Variants in RSBN1 observed in about 807,000 individuals in gnomAD.
The protein encoded by RSBN1 is round spermatid basic protein 1, also known as lysine-specific demethylase 9.
A neutral mutation model predicts 74.8 loss-of-function variants in RSBN1; 23 were observed. That is an observed-to-expected ratio of 0.31 (90% CI 0.22 to 0.44). RSBN1 has a LOEUF of 0.44. RSBN1 is among the 20% of genes least tolerant of loss of function. RSBN1 has a pLI of 1.00. For missense variants in RSBN1, 808 were observed against 1,020.9 expected, an observed-to-expected ratio of 0.79 and a Z score of 2.84; for synonymous variants, 407 against 379.6, an observed-to-expected ratio of 1.07 and a Z score of -0.84.
intron 2 of RSBN1, among the ~76,000 whole-genome samples, chr1:113,778,744 T>C (rs1660082133): frequency 6.6e-6 from 1 of 152,234 alleles, no homozygotes; most frequent in African/African-American, 2.4e-5. Flanking sequence ...AAGCTCTTTT[T>C]TTCCAGAAGT....
chr1:113,812,023 T>G lies in RSBN1; in HGVS notation c.390A>C (p.Ala130=), dbSNP rs780299490. ...QHPGPLPPTN[A]APTVPGPVEP... is the part of the protein sequence containing the mutation. ...CAACAGGGCCTGGGACAGTTGGGGC[T>G]GCATTCGTTGGCGGCAGCGGCCCAG... The change falls in exon 1 of 7, where the codon GCA becomes GCC. Residue 130 remains alanine, a synonymous_variant. Transcript: ENST00000261441. 4.6e-6 allele frequency: 7 copies of G among 1,534,062 alleles called. No individual in the cohort carries two copies. The highest frequency in any genetic ancestry group is 1.8e-4 in the Middle Eastern group (1 of 5,696).
At chr1:113,805,479 A>G (rs1459161587) in intron 1 of RSBN1, among the ~76,000 whole-genome samples, 2 of 152,242 alleles carry the variant, frequency 1.3e-5, no homozygotes, top group African/African-American at 4.8e-5. Context: ...TATTCCCTAT[A>G]AGAAATAAAA....
At chr1:113,769,291 C>T (rs543971178) in intron 4 of RSBN1, among the ~76,000 whole-genome samples, 1 of 152,030 alleles carries the variant, frequency 6.6e-6, no homozygotes, top group South Asian at 2.1e-4. Flanking sequence ...TTGCAGTCTG[C>T]TGTTTTGGTG....
chr1:113,792,765 C>A (rs1660391487), intron 2 of RSBN1, among the ~76,000 whole-genome samples: 1 of 151,890 alleles, frequency 6.6e-6, no homozygotes, highest in Admixed American at 6.6e-5. Flanking sequence ...CATGATCACA[C>A]TTCAGCCTGG....
At chr1:113,801,585 T>C (rs1223099685) in intron 1 of RSBN1, among the ~76,000 whole-genome samples, 1 of 152,246 alleles carries the variant, frequency 6.6e-6, no homozygotes, top group Non-Finnish European at 1.5e-5. Context: ...TTTCTATTTC[T>C]GGTTTTAGCT....
At position 113,763,691 on chromosome 1, in the gene RSBN1, T is replaced by A. The variant is rs538245794; in HGVS notation, c.*2289A>T. On this transcript the variant is annotated 3_prime_UTR_variant, in exon 7 of 7. Transcript: ENST00000261441. ...ATTTATTAGTACATGATTTTAAACA[T>A]TTTTATTGTACTCTTTTAATGTGTT... 1 of 152,900 alleles carries A rather than the reference T, an allele frequency of 6.5e-6. No homozygotes were observed. The highest frequency in any genetic ancestry group is 1.9e-4 in the East Asian group (1 of 5,316). The allele number at this position is 152,900 out of a possible 1,614,324, so 9.5% of individuals were successfully genotyped here.
Position 113,766,215 on chromosome 1 carries a change from G to C in RSBN1, c.2174C>G (p.Thr725Ser), listed in dbSNP as rs775951282. The C allele has an allele frequency of 1.2e-6, 2 of 1,613,986 alleles. No individual in the cohort carries two copies. The highest frequency in any genetic ancestry group is 1.7e-6 in the Non-Finnish European group (2 of 1,179,980). Residue 725 changes from threonine to serine, a missense_variant, in exon 7 of 7, where the codon ACT (threonine) becomes AGT (serine). Thr to Ser is a moderately conservative substitution (Grantham distance 58). Transcript: ENST00000261441. ...ESNSNMDCGL[T>S]GKRELEVDSQ... ...GTCAACTTCTAATTCTCGCTTTCCAGTTAAACCACAGTCCATGTTAGAATT... is the reference window on the plus strand; with the variant it reads ...GTCAACTTCTAATTCTCGCTTTCCACTTAAACCACAGTCCATGTTAGAATT...
At chr1:113,793,945 A>G (rs991051359) in intron 2 of RSBN1, among the ~76,000 whole-genome samples, 1 of 152,124 alleles carries the variant, frequency 6.6e-6, no homozygotes, top group African/African-American at 2.4e-5. Context: ...GGGATTACAG[A>G]TGTGAGACAC....
chr1:113,786,745 C>A (rs1046947141), intron 2 of RSBN1, among the ~76,000 whole-genome samples: 2 of 152,050 alleles, frequency 1.3e-5, no homozygotes, highest in African/African-American at 4.8e-5. Context: ...CCAAGGCAGG[C>A]GGATCACTTG....
At chr1:113,782,545 G>A (rs1571300346) in intron 2 of RSBN1, among the ~76,000 whole-genome samples, 1 of 152,180 alleles carries the variant, frequency 6.6e-6, no homozygotes, top group East Asian at 1.9e-4. Flanking sequence ...TTCAAAAATG[G>A]TCAAGGACAA....
At chr1:113,789,319 C>A (rs1281901133) in intron 2 of RSBN1, among the ~76,000 whole-genome samples, 6 of 152,198 alleles carry the variant, frequency 3.9e-5, no homozygotes, top group Admixed American at 3.9e-4. Flanking sequence ...GGAAGATCAA[C>A]AGGAACTCAT....
intron 2 of RSBN1, among the ~76,000 whole-genome samples, chr1:113,781,764 G>A (rs1660144599): frequency 6.6e-6 from 1 of 152,018 alleles, no homozygotes; most frequent in South Asian, 2.1e-4. Context: ...TCCTAAATCA[G>A]GAATTGATAA....
At position 113,777,207 on chromosome 1, in the gene RSBN1, T is replaced by C; in HGVS notation, c.1658+3A>G. The C allele has an allele frequency of 6.3e-7, 1 of 1,598,452 alleles. No individual in the cohort carries two copies. Among genetic ancestry groups the C allele is most frequent in the Non-Finnish European group, 8.5e-7 (1 of 1,173,564 alleles). Reference sequence around the variant, plus strand: ...TGCTTATTTGAGAAAAAGAAATATTTACCGTCGTCTTTTGAAGGGTGACTT... The same window carrying C: ...TGCTTATTTGAGAAAAAGAAATATTCACCGTCGTCTTTTGAAGGGTGACTT... On this transcript the variant is annotated splice_donor_region_variant and intron_variant, in intron 4 of 6. Coordinates refer to ENST00000261441, the MANE Select transcript of RSBN1 (RefSeq NM_018364.5).
Position 113,811,923 on chromosome 1 carries a change from C to T in RSBN1, c.490G>A (p.Ala164Thr), listed in dbSNP as rs766874509. Residue 164 changes from alanine (A) to threonine (T), a missense_variant, in exon 1 of 7, where the codon GCC (alanine) becomes ACC (threonine). Physicochemically the swap from Ala to Thr is moderately conservative, Grantham distance 58. Around this residue, in one of 6 missense-constraint regions of RSBN1, gnomAD observed 464 missense variants for 401.0 expected, o/e 1.16. Coordinates refer to ENST00000261441, the MANE Select transcript of RSBN1 (RefSeq NM_018364.5). ...GTGAAGAGGGCCGAGGTGCTTGGGG[C>T]CGGGAGAGGGGCAGCGACAGCGGGC... ...AGPAVAAPLPAPSTSALFTFS... is the reference protein window; with the variant it reads ...AGPAVAAPLPTPSTSALFTFS... 6.2e-7 allele frequency: 1 copy of T among 1,603,754 alleles called. No individual in the cohort carries two copies. The highest frequency in any genetic ancestry group is 8.5e-7 in the Non-Finnish European group (1 of 1,174,854).
intron 4 of RSBN1, 105 bp downstream of exon 4, chr1:113,777,105 T>G (rs1660048243): frequency 3.0e-6 from 3 of 994,338 alleles, no homozygotes; most frequent in Non-Finnish European, 4.3e-6. Flanking sequence ...CTAAAACATT[T>G]ACTTAAGGGA....
In RSBN1 at chr1:113,763,740, G is replaced by A. The variant is rs372605799; in HGVS notation, c.*2240C>T. 13 of 140,394 alleles carry A rather than the reference G, an allele frequency of 9.3e-5. No individual in the cohort carries two copies. The highest frequency in any genetic ancestry group is 2.0e-4 in the Non-Finnish European group (13 of 63,824). 8.7% of individuals were successfully genotyped at this position (140,394 alleles called of 1,614,324 possible). On this transcript the variant is annotated 3_prime_UTR_variant, in exon 7 of 7. Coordinates refer to ENST00000261441, the MANE Select transcript of RSBN1 (RefSeq NM_018364.5). The stretch of plus-strand genomic sequence containing the variant: ...TTTATATTGGAGGTGAGGGTAGAAT[G>A]TTTTATAAAAGGAAAATGGGGATTT...
chr1:113,765,653 G>T lies in RSBN1; in HGVS notation c.*327C>A, dbSNP rs1434511071. ...GAGACAAGGCAAGATAAAATTAAGGGAAGTGAATAATTTACCAAACAAGAA... is the reference window on the plus strand; with the variant it reads ...GAGACAAGGCAAGATAAAATTAAGGTAAGTGAATAATTTACCAAACAAGAA... On this transcript the variant is annotated 3_prime_UTR_variant, in exon 7 of 7. Transcript: ENST00000261441. The T allele has an allele frequency of 1.8e-5, 4 of 216,526 alleles. No homozygotes were observed. The Admixed American group carries it at 2.0e-4, about 11-fold the overall frequency. The allele number at this position is 216,526 out of a possible 1,614,324, so 13.4% of individuals were successfully genotyped here.
chr1:113,799,257 AT>A (rs1279536710), intron 1 of RSBN1, among the ~76,000 whole-genome samples: 1 of 152,096 alleles, frequency 6.6e-6, no homozygotes, highest in Non-Finnish European at 1.5e-5. Flanking sequence ...GAGTCTCCAT[AT>A]GTTGCCCAGG....
intron 2 of RSBN1, among the ~76,000 whole-genome samples, chr1:113,783,981 T>C (rs1437457175): frequency 1.3e-5 from 2 of 152,256 alleles, no homozygotes; most frequent in South Asian, 2.1e-4. Flanking sequence ...TGCACAGAGA[T>C]ATCATCTGGG....
Sources: allele counts gnomAD v4.1 joint callset (sites outside exome capture counted in the v4.1 genomes callset), GRCh38; gene constraint gnomAD v4.1.1; regional missense constraint gnomAD v4.1.1; transcripts MANE v1.5; gene names NCBI Gene and HGNC (gene_info 2026-07-23, HGNC 2026-07-21).